Variants in GRID1 observed in about 807,000 individuals in gnomAD.
GRID1 encodes glutamate ionotropic receptor delta type subunit 1, also known as glutamate receptor ionotropic, delta-1.
In GRID1, 28 loss-of-function variants were observed where a neutral mutation model predicts 98.0. The observed-to-expected ratio is 0.29, with a 90% confidence interval of 0.21 to 0.39. The LOEUF (loss-of-function observed/expected upper bound fraction) is 0.39. GRID1 is among the 10% of genes least tolerant of loss of function. GRID1 has a pLI of 1.00. For synonymous variants in GRID1, 553 were observed against 538.5 expected, an observed-to-expected ratio of 1.03 and a Z score of -0.37; for missense variants, 1,111 against 1,340.5, an observed-to-expected ratio of 0.83 and a Z score of 2.67.
At chr10:86,254,820 G>A (rs975860136) in intron 2 of GRID1, among the ~76,000 whole-genome samples, 4 of 152,228 alleles carry the variant, frequency 2.6e-5, no homozygotes, top group Admixed American at 6.5e-5. Flanking sequence ...TCCTGCAAGC[G>A]AACCTGGCTG....
At chr10:86,332,761 T>C (rs543989220) in intron 2 of GRID1, among the ~76,000 whole-genome samples, 1 of 145,754 alleles carries the variant, frequency 6.9e-6, no homozygotes, top group South Asian at 2.2e-4. Flanking sequence ...CGACCTCACA[T>C]CTTCCCCTGC....
At chr10:85,933,664 C>T (rs2131834078) in intron 4 of GRID1, among the ~76,000 whole-genome samples, 1 of 152,220 alleles carries the variant, frequency 6.6e-6, no homozygotes, top group East Asian at 1.9e-4. Flanking sequence ...TTGATCAAGC[C>T]CACAAGTCCA....
chr10:86,039,612 G>A (rs1388245568), intron 4 of GRID1, among the ~76,000 whole-genome samples: 1 of 152,178 alleles, frequency 6.6e-6, no homozygotes, highest in Non-Finnish European at 1.5e-5. Context: ...AACTCTAGTG[G>A]TGGCCAGCAA....
At chr10:85,779,190 G>C (rs1218085061) in intron 8 of GRID1, among the ~76,000 whole-genome samples, 1 of 152,276 alleles carries the variant, frequency 6.6e-6, no homozygotes. Context: ...CGGAAGCCCC[G>C]GCCCAGGAGG....
At chr10:86,228,876 G>A (rs185972478) in intron 2 of GRID1, among the ~76,000 whole-genome samples, 2 of 152,300 alleles carry the variant, frequency 1.3e-5, no homozygotes, top group Non-Finnish European at 2.9e-5. Flanking sequence ...ACCCCTAAGG[G>A]CATCTTGCAT....
intron 4 of GRID1, among the ~76,000 whole-genome samples, chr10:86,120,015 G>C (rs769272143): frequency 6.6e-6 from 1 of 151,856 alleles, no homozygotes; most frequent in Non-Finnish European, 1.5e-5. Context: ...TTAGCAAGAT[G>C]GTCTCGATCT....
chr10:85,825,113 C>T (rs1047552860), intron 8 of GRID1, among the ~76,000 whole-genome samples: 1 of 152,150 alleles, frequency 6.6e-6, no homozygotes, highest in African/African-American at 2.4e-5. Context: ...TTGAGAAATG[C>T]CCATATTGTT....
chr10:86,182,100 G>A (rs1035337379), intron 3 of GRID1, among the ~76,000 whole-genome samples: 6 of 152,292 alleles, frequency 3.9e-5, no homozygotes, highest in East Asian at 1.9e-4. Flanking sequence ...ATCAGTCTCC[G>A]TGGGTGCAGA....
At chr10:86,285,275 G>A (rs1166374680) in intron 2 of GRID1, among the ~76,000 whole-genome samples, 1 of 152,178 alleles carries the variant, frequency 6.6e-6, no homozygotes, top group African/African-American at 2.4e-5. Context: ...ACCCTCTCCC[G>A]CCTCTGTCTC....
At chr10:85,810,130 C>A (rs932779236) in intron 8 of GRID1, among the ~76,000 whole-genome samples, 1 of 146,842 alleles carries the variant, frequency 6.8e-6, no homozygotes, top group Non-Finnish European at 1.5e-5. Context: ...ATCTTTCCAC[C>A]CACATGGGTG....
chr10:86,098,887 C>A (rs1291169339), intron 4 of GRID1, among the ~76,000 whole-genome samples: 1 of 152,204 alleles, frequency 6.6e-6, no homozygotes, highest in South Asian at 2.1e-4. Context: ...TCTTTTGTCA[C>A]ACTTCTGCTA....
rs115263826 is a variant in GRID1, at chr10:86,048,765, T to C, written c.726+90054A>G. 3.8e-3 allele frequency among the ~76,000 whole-genome samples: 582 copies of C among 152,344 alleles called. 3 individuals carry two copies. The highest frequency in any genetic ancestry group is 0.013 in the African/African-American group (552 of 41,584). ...ATTCAGGACACATCCCACTGAAGAC[T>C]CACCTTATTTATAGTGTCAACATGT... On this transcript the variant is annotated intron_variant, in intron 4 of 15. Transcript: ENST00000327946.
At chr10:85,747,549 C>T (rs1842008820) in intron 8 of GRID1, among the ~76,000 whole-genome samples, 2 of 152,134 alleles carry the variant, frequency 1.3e-5, no homozygotes, top group Admixed American at 1.3e-4. Context: ...CCTCTTAGCC[C>T]CATACTATAG....
At chr10:86,244,952 A>G (rs1399898191) in intron 2 of GRID1, among the ~76,000 whole-genome samples, 1 of 152,216 alleles carries the variant, frequency 6.6e-6, no homozygotes, top group Non-Finnish European at 1.5e-5. Context: ...ATTGCAGGTA[A>G]ATATTTAAAC....
intron 5 of GRID1, among the ~76,000 whole-genome samples, chr10:85,893,326 C>T (rs951042764): frequency 2.0e-5 from 3 of 152,090 alleles, no homozygotes; most frequent in Non-Finnish European, 4.4e-5. Flanking sequence ...AGGAAAAAGG[C>T]ATAGATATCC....
chr10:86,349,481 G>A (rs1848434552), intron 2 of GRID1, among the ~76,000 whole-genome samples: 1 of 152,228 alleles, frequency 6.6e-6, no homozygotes, highest in South Asian at 2.1e-4. Context: ...TCCAGCCAGT[G>A]AGTGTTGGAA....
intron 13 of GRID1, among the ~76,000 whole-genome samples, chr10:85,634,287 TCTCTCACACA>T (rs1242296526): frequency 1.5e-5 from 2 of 129,290 alleles, no homozygotes; most frequent in African/African-American, 6.2e-5. Flanking sequence ...TCTCTCTCTC[TCTCTCACACA>T]CACACACACA....
intron 12 of GRID1, among the ~76,000 whole-genome samples, chr10:85,694,956 A>G (rs1442382742): frequency 6.6e-6 from 1 of 152,032 alleles, no homozygotes; most frequent in Non-Finnish European, 1.5e-5. Flanking sequence ...CCCTTAAATT[A>G]ATACAAATAA....
intron 2 of GRID1, among the ~76,000 whole-genome samples, chr10:86,336,702 A>G (rs1020124101): frequency 2.6e-5 from 4 of 152,344 alleles, no homozygotes; most frequent in African/African-American, 9.6e-5. Flanking sequence ...CCAGAAGGCA[A>G]CACGCAGAGT....
Sources: allele counts gnomAD v4.1 joint callset (sites outside exome capture counted in the v4.1 genomes callset), GRCh38; gene constraint gnomAD v4.1.1; transcripts MANE v1.5; gene names NCBI Gene and HGNC (gene_info 2026-07-23, HGNC 2026-07-21).